The following DENND1A variants were observed in gnomAD, a reference collection of about 807,000 sequenced individuals.
DENND1A encodes DENN domain containing 1A.
Under a neutral mutation model 113.7 loss-of-function variants are expected in DENND1A, and 51 were observed. The ratio of observed to expected loss-of-function variants is 0.45; its 90% CI spans 0.36 to 0.57. The LOEUF (loss-of-function observed/expected upper bound fraction) is 0.57. Ranked by LOEUF, DENND1A falls within the 20% of genes least tolerant of loss-of-function variation. The probability of loss-of-function intolerance (pLI) is 0.00; values close to 1 mark genes in which losing one functional copy is unlikely to be tolerated. For missense variants in DENND1A, 1,258 were observed against 1,395.9 expected (o/e 0.90, Z 1.57); for synonymous variants, 565 against 570.8 (o/e 0.99, Z 0.14).
intron 13 of DENND1A, among the ~76,000 whole-genome samples, chr9:123,508,749 TG>T (rs1345131715): frequency 2.0e-5 from 3 of 152,178 alleles, no homozygotes; most frequent in Non-Finnish European, 4.4e-5. Flanking sequence ...AAGTGTTAAT[TG>T]TATCTAAAAA....
chr9:123,601,937 G>A (rs1472466953), intron 11 of DENND1A, among the ~76,000 whole-genome samples: 3 of 152,176 alleles, frequency 2.0e-5, no homozygotes, highest in Non-Finnish European at 4.4e-5. Context: ...CCAGCACACA[G>A]CACTGAGAAG....
intron 2 of DENND1A, among the ~76,000 whole-genome samples, chr9:123,852,111 T>G (rs558922345): frequency 6.6e-6 from 1 of 152,296 alleles, no homozygotes; most frequent in East Asian, 1.9e-4. Context: ...AGTTATCTTC[T>G]GCCTGTCCCG....
intron 1 of DENND1A, among the ~76,000 whole-genome samples, chr9:123,880,258 C>A (rs1848130905): frequency 6.6e-6 from 1 of 152,148 alleles, no homozygotes; most frequent in African/African-American, 2.4e-5. Context: ...AGTAATCCAC[C>A]CGCCTTGGCC....
At chr9:123,822,475 T>C (rs76056954) in intron 2 of DENND1A, among the ~76,000 whole-genome samples, 7,087 of 152,238 alleles carry the variant, frequency 0.047, 193 homozygotes, top group Middle Eastern at 0.092. Context: ...CACAGGAGCT[T>C]TTGTAGATGC....
At position 123,864,837 on chromosome 9, in the gene DENND1A, T is replaced by C. The variant is rs540172894; in HGVS notation, c.88+14114A>G. The stretch of plus-strand genomic sequence containing the variant: ...AAATATCTAGGTTCTCTGCAATCAG[T>C]TGGAATTGTGTCAACTCATTTATTG... On this transcript the variant is annotated intron_variant, in intron 2 of 23. Coordinates refer to ENST00000394215, the MANE Select transcript of DENND1A (RefSeq NM_001352964.2). 9.9e-5 allele frequency among the ~76,000 whole-genome samples: 15 copies of C among 152,216 alleles called. No individual in the cohort carries two copies. In the East Asian group the frequency reaches 1.5e-3, roughly 16 times the overall value.
intron 2 of DENND1A, 50 bp downstream of exon 2, chr9:123,878,901 A>G (rs1847911556): frequency 1.3e-6 from 2 of 1,574,520 alleles, no homozygotes; most frequent in Non-Finnish European, 8.7e-7. Context: ...GTGCATAGCT[A>G]TCTCAAACAA....
chr9:123,924,648 C>CA (rs754322241), intron 1 of DENND1A, among the ~76,000 whole-genome samples: 12,647 of 105,036 alleles, frequency 0.12, 831 homozygotes, highest in African/African-American at 0.25. Flanking sequence ...GAAACTGTCT[C>CA]AAAAAAAAAA....
intron 1 of DENND1A, among the ~76,000 whole-genome samples, chr9:123,882,306 T>C (rs1031215065): frequency 6.6e-5 from 9 of 135,646 alleles, no homozygotes; most frequent in African/African-American, 2.0e-4. Flanking sequence ...CTGAGCAACA[T>C]AGCAAAACCT....
intron 14 of DENND1A, 124 bp downstream of exon 14, chr9:123,457,669 C>T (rs949794836): frequency 3.2e-6 from 3 of 945,460 alleles, no homozygotes; most frequent in South Asian, 3.3e-5. Context: ...TCCCCCTCCC[C>T]TGAGCCTCTT....
intron 13 of DENND1A, among the ~76,000 whole-genome samples, chr9:123,481,676 T>C (rs930313390): frequency 5.3e-5 from 8 of 152,184 alleles, no homozygotes; most frequent in African/African-American, 1.9e-4. Flanking sequence ...CAGGGAAGAC[T>C]TCCTGGAGGG....
At chr9:123,777,518 G>A (rs1361528381) in intron 3 of DENND1A, among the ~76,000 whole-genome samples, 1 of 152,174 alleles carries the variant, frequency 6.6e-6, no homozygotes, top group Non-Finnish European at 1.5e-5. Context: ...GCTAAAAGAA[G>A]CTTTTGTAAG....
chr9:123,500,662 T>G (rs1377953770), intron 13 of DENND1A, among the ~76,000 whole-genome samples: 1 of 152,222 alleles, frequency 6.6e-6, no homozygotes, highest in Admixed American at 6.5e-5. Flanking sequence ...CGCCTCTCCC[T>G]CTTAGCATGA....
At chr9:123,577,360 A>G (rs904312669) in intron 12 of DENND1A, among the ~76,000 whole-genome samples, 4 of 151,980 alleles carry the variant, frequency 2.6e-5, no homozygotes, top group Non-Finnish European at 5.9e-5. Context: ...CCTTCATTTA[A>G]TCAGGTCTTC....
At chr9:123,719,289 T>C (rs1293776143) in intron 5 of DENND1A, among the ~76,000 whole-genome samples, 1 of 152,210 alleles carries the variant, frequency 6.6e-6, no homozygotes, top group Non-Finnish European at 1.5e-5. Context: ...CAGAGGTACC[T>C]TGCTCAGTAT....
intron 5 of DENND1A, among the ~76,000 whole-genome samples, chr9:123,689,184 C>T (rs970406786): frequency 6.6e-6 from 1 of 152,034 alleles, no homozygotes; most frequent in Non-Finnish European, 1.5e-5. Flanking sequence ...GCCACCATGC[C>T]CGGCTAAATT....
chr9:123,382,810 A>G (rs891830894), intron 23 of DENND1A, among the ~76,000 whole-genome samples, 185 bp from the exon 24 acceptor site: 2 of 152,064 alleles, frequency 1.3e-5, no homozygotes, highest in African/African-American at 4.8e-5. Flanking sequence ...GTGTGCTGGG[A>G]CTCCAAGCCT....
At chr9:123,748,257 G>A (rs2069694317) in intron 5 of DENND1A, among the ~76,000 whole-genome samples, 1 of 152,154 alleles carries the variant, frequency 6.6e-6, no homozygotes, top group Non-Finnish European at 1.5e-5. Context: ...ATTCAGGGAA[G>A]GAAACACCCT....
At chr9:123,839,126 C>T (rs1041770619) in intron 2 of DENND1A, among the ~76,000 whole-genome samples, 1 of 152,158 alleles carries the variant, frequency 6.6e-6, no homozygotes, top group Non-Finnish European at 1.5e-5. Flanking sequence ...TGTCTGTTAA[C>T]GGTGGGAAGC....
chr9:123,385,330 A>C (rs1473313203), intron 22 of DENND1A, among the ~76,000 whole-genome samples: 1 of 151,952 alleles, frequency 6.6e-6, no homozygotes, highest in African/African-American at 2.4e-5. Context: ...TGCCTGGCTA[A>C]TTTTTTGTAT....
Sources: gnomAD v4.1 joint callset for allele counts (sites outside exome capture counted in the v4.1 genomes callset) on GRCh38, gnomAD v4.1.1 for gene constraint, MANE v1.5 for transcripts, NCBI Gene and HGNC (gene_info 2026-07-23, HGNC 2026-07-21) for gene names.